PAIP1: variants seen among roughly 807,000 people sequenced by gnomAD.
PAIP1 encodes poly(A) binding protein interacting protein 1.
Under a neutral mutation model 61.3 loss-of-function variants are expected in PAIP1, and 16 were observed. That is an observed-to-expected ratio of 0.26 (90% CI 0.18 to 0.40). PAIP1 has a LOEUF of 0.40. Ranked by LOEUF, PAIP1 falls within the 10% of genes least tolerant of loss-of-function variation. The pLI, the probability that PAIP1 is intolerant of heterozygous loss-of-function variation, is 1.00. For missense variants in PAIP1, 416 were observed against 600.9 expected (o/e 0.69, Z 3.22); for synonymous variants, 187 against 226.2 (o/e 0.83, Z 1.56).
At chr5:43,550,837 C>CAAAAAAAAAAAAAAAAAAAAAAAAA (rs373730839) in intron 2 of PAIP1, among the ~76,000 whole-genome samples, 11 of 49,554 alleles carry the variant, frequency 2.2e-4, no homozygotes, top group Admixed American at 3.0e-4. Flanking sequence ...AAATATACTA[C>CAAAAAAAAAAAAAAAAAAAAAAAAA]AAAAAAAAAA....
chr5:43,556,086 G>C, intron 1 of PAIP1, 87 bp from the exon 2 acceptor site: 1 of 1,492,002 alleles, frequency 6.7e-7, no homozygotes, highest in Non-Finnish European at 9.0e-7. Context: ...TCTGAAAAGC[G>C]TCTGTTTTTA....
rs1747695559 is a variant in PAIP1 at position 43,547,710 on chromosome 5, TG to T, written c.621+17del. The T allele has an allele frequency of 1.9e-6, 3 of 1,563,982 alleles. No individual in the cohort carries two copies. In the African/African-American group the frequency reaches 4.1e-5, roughly 21 times the overall value. ...AGGAAGCTATCTGAAGGTCACTGCA[TG>T]CTATAAGCCAACATACCTGTTGATA... On this transcript the variant is annotated intron_variant, in intron 3 of 10. Coordinates refer to ENST00000306846, the MANE Select transcript of PAIP1 (RefSeq NM_006451.5).
intron 10 of PAIP1, among the ~76,000 whole-genome samples, chr5:43,529,284 T>C (rs1561227022): frequency 6.6e-6 from 1 of 152,200 alleles, no homozygotes; most frequent in Non-Finnish European, 1.5e-5. Context: ...TGCTTAAGTA[T>C]ACTATATTTT....
intron 1 of PAIP1, chr5:43,556,233 T>C (rs761602455): frequency 6.7e-5 from 87 of 1,290,228 alleles, no homozygotes; most frequent in Non-Finnish European, 8.2e-5. Flanking sequence ...TGCGAGCTTT[T>C]TTCCTCTCTG....
intron 3 of PAIP1, among the ~76,000 whole-genome samples, chr5:43,546,326 G>A (rs1747634171): frequency 6.6e-6 from 1 of 152,218 alleles, no homozygotes; most frequent in Non-Finnish European, 1.5e-5. Context: ...ACTAAATAGT[G>A]GAGGAAGCCA....
At chr5:43,556,060 A>G (rs1748050210) in intron 1 of PAIP1, 61 bp from the exon 2 acceptor site, 3 of 1,544,108 alleles carry the variant, frequency 1.9e-6, no homozygotes, top group Non-Finnish European at 2.6e-6. Context: ...GCAACTTGCT[A>G]TATACTGAAA....
Position 43,535,554 on chromosome 5 carries a change from GACA to G in PAIP1, c.1056_1058del (p.Val353del). The G allele has an allele frequency of 1.9e-6, 3 of 1,579,848 alleles. No homozygotes were observed. The highest frequency in any genetic ancestry group is 2.2e-5 in the East Asian group (1 of 44,574). On this transcript the variant is annotated inframe_deletion, in exon 7 of 11. Coordinates refer to ENST00000306846, the MANE Select transcript of PAIP1 (RefSeq NM_006451.5). ...CCTACCTACTGCAGTTTGCATCTAG[GACA>G]ACGTTTTCAATTCTCTGAATAATTT...
intron 9 of PAIP1, among the ~76,000 whole-genome samples, chr5:43,531,923 G>A (rs1746959165): frequency 6.6e-6 from 1 of 152,148 alleles, no homozygotes; most frequent in East Asian, 1.9e-4. Flanking sequence ...AAGTAAGCAT[G>A]TTTAGAATGA....
rs535933394 is a variant in PAIP1, at chr5:43,535,266, TTTTG to T, written c.1079+264_1079+267del. 4.9e-3 allele frequency among the ~76,000 whole-genome samples: 740 copies of T among 152,348 alleles called. 5 individuals carry two copies. Among genetic ancestry groups the T allele is most frequent in the African/African-American group, 0.016 (648 of 41,584 alleles). On this transcript the variant is annotated intron_variant, in intron 7 of 10. Coordinates refer to ENST00000306846, the MANE Select transcript of PAIP1 (RefSeq NM_006451.5). ...ATTTGTTGGACAGTTAATATTTGGA[TTTTG>T]TTTTTCATTTAATTCATATCTTAAG...
At chr5:43,554,972 C>G (rs1748004572) in intron 2 of PAIP1, among the ~76,000 whole-genome samples, 1 of 152,134 alleles carries the variant, frequency 6.6e-6, no homozygotes, top group South Asian at 2.1e-4. Context: ...AATAAGTCAC[C>G]TCCAATTATA....
At chr5:43,552,310 T>G (rs866436739) in intron 2 of PAIP1, among the ~76,000 whole-genome samples, 2 of 152,210 alleles carry the variant, frequency 1.3e-5, no homozygotes, top group African/African-American at 4.8e-5. Context: ...AGATAAATAA[T>G]TCTTACACTG....
chr5:43,536,707 A>T (rs1579911625), intron 6 of PAIP1, 112 bp downstream of exon 6: 1 of 504,980 alleles, frequency 2.0e-6, no homozygotes, highest in Admixed American at 3.7e-5. Flanking sequence ...TAAAATGTCA[A>T]TATTTACCTT....
At chr5:43,530,550 G>C (rs953904316) in intron 9 of PAIP1, among the ~76,000 whole-genome samples, 26 of 152,148 alleles carry the variant, frequency 1.7e-4, no homozygotes, top group Non-Finnish European at 3.1e-4. Flanking sequence ...AGAAGCCAAC[G>C]GAAATTTTGC....
At chr5:43,553,416 C>T (rs2111601051) in intron 2 of PAIP1, among the ~76,000 whole-genome samples, 1 of 152,266 alleles carries the variant, frequency 6.6e-6, no homozygotes, top group South Asian at 2.1e-4. Flanking sequence ...TAAATGTCTG[C>T]AAACTGAGCC....
intron 2 of PAIP1, among the ~76,000 whole-genome samples, chr5:43,549,625 CT>C (rs774766148): frequency 2.6e-5 from 4 of 152,168 alleles, no homozygotes; most frequent in Non-Finnish European, 5.9e-5. Flanking sequence ...TCGGGTATGT[CT>C]TTGTCAGCAG....
intron 9 of PAIP1, among the ~76,000 whole-genome samples, chr5:43,531,680 GAA>G (rs1162652270): frequency 9.8e-6 from 1 of 102,322 alleles, no homozygotes; most frequent in East Asian, 5.0e-4. Flanking sequence ...AAAAAAAAGA[GAA>G]AAAAAGAAAA....
intron 10 of PAIP1, 48 bp downstream of exon 10, chr5:43,529,737 TA>T: frequency 1.0e-6 from 1 of 969,746 alleles, no homozygotes; most frequent in Non-Finnish European, 1.7e-6. Context: ...TCTCCACCTA[TA>T]AATTAGACAC....
intron 6 of PAIP1, among the ~76,000 whole-genome samples, chr5:43,536,601 A>G (rs550230262): frequency 1.4e-4 from 22 of 152,172 alleles, no homozygotes; most frequent in Non-Finnish European, 2.6e-4. Context: ...TTGCAAATGG[A>G]AATGGCGTAA....
chr5:43,549,740 G>A (rs1747790630), intron 2 of PAIP1, among the ~76,000 whole-genome samples: 1 of 150,212 alleles, frequency 6.7e-6, no homozygotes, highest in Admixed American at 6.6e-5. Flanking sequence ...TTATTTTTGA[G>A]ATGGAGTCTC....
Sources: gnomAD v4.1 joint callset for allele counts (sites outside exome capture counted in the v4.1 genomes callset) on GRCh38, gnomAD v4.1.1 for gene constraint, MANE v1.5 for transcripts, NCBI Gene and HGNC (gene_info 2026-07-23, HGNC 2026-07-21) for gene names.